Variants in GPR39 observed in about 807,000 individuals in gnomAD.
The protein encoded by GPR39 is zinc sensing receptor.
A neutral mutation model predicts 18.4 loss-of-function variants in GPR39; 23 were observed. The ratio of observed to expected loss-of-function variants is 1.25; its 90% CI spans 0.90 to 1.77. GPR39 has a LOEUF of 1.77. Among genes scored for constraint, GPR39 ranks in the 40% most tolerant of loss-of-function variants. The pLI is 0.00. For synonymous variants in GPR39, 280 were observed against 257.9 expected, an observed-to-expected ratio of 1.09 and a Z score of -0.82; for missense variants, 647 against 602.4, an observed-to-expected ratio of 1.07 and a Z score of -0.78.
intron 1 of GPR39, among the ~76,000 whole-genome samples, chr2:132,618,974 CCT>C: frequency 6.6e-6 from 1 of 152,302 alleles, no homozygotes; most frequent in South Asian, 2.1e-4. Flanking sequence ...CCACAGACTT[CCT>C]GGGAGTCGGC....
chr2:132,602,033 A>G (rs554858417), intron 1 of GPR39, among the ~76,000 whole-genome samples: 13 of 51,852 alleles, frequency 2.5e-4, no homozygotes, highest in Admixed American at 9.8e-4. Flanking sequence ...ACAGAAATAG[A>G]AAAAAAAAAA....
chr2:132,426,427 T>C (rs1680119032), intron 1 of GPR39, among the ~76,000 whole-genome samples: 1 of 152,228 alleles, frequency 6.6e-6, no homozygotes, highest in Non-Finnish European at 1.5e-5. Flanking sequence ...TATTTCGTCA[T>C]AGCCTGGCAA....
intron 1 of GPR39, among the ~76,000 whole-genome samples, chr2:132,522,846 A>C (rs1679449463): frequency 6.6e-6 from 1 of 152,242 alleles, no homozygotes; most frequent in East Asian, 1.9e-4. Context: ...CAACCTTCTG[A>C]GAATAGATAT....
At chr2:132,602,175 A>G (rs1436197414) in intron 1 of GPR39, among the ~76,000 whole-genome samples, 2 of 152,088 alleles carry the variant, frequency 1.3e-5, no homozygotes, top group African/African-American at 4.8e-5. Flanking sequence ...AACACAGCAT[A>G]ATGGTATAAA....
rs60267293 is a variant in GPR39 at position 132,546,839 on chromosome 2, C to CAAAAAAAAAAAAAAAAAAA, written c.857-98254_857-98236dup. 1.3e-3 allele frequency among the ~76,000 whole-genome samples: 43 copies of CAAAAAAAAAAAAAAAAAAA among 33,970 alleles called. 3 individuals are homozygous for CAAAAAAAAAAAAAAAAAAA. Among genetic ancestry groups the CAAAAAAAAAAAAAAAAAAA allele is most frequent in the East Asian group, 1.9e-3 (2 of 1,036 alleles). The allele number at this position is 33,970 out of a possible 152,430, so 22.3% of individuals were successfully genotyped here. On this transcript the variant is annotated intron_variant, in intron 1 of 1. Transcript: ENST00000329321. ...TCTCCAGGATGCAGTAGCTCCACAG[C>CAAAAAAAAAAAAAAAAAAA]AAAAAAAAAAAAAAAAAAAAAAAAA...
At chr2:132,598,431 CTT>C (rs34104835) in intron 1 of GPR39, among the ~76,000 whole-genome samples, 55 of 90,450 alleles carry the variant, frequency 6.1e-4, no homozygotes, top group African/African-American at 2.0e-3. Context: ...CTAAGGTGAA[CTT>C]TTTTTTTTTT....
intron 1 of GPR39, among the ~76,000 whole-genome samples, chr2:132,619,828 CAG>C (rs1473473477): frequency 2.2e-4 from 27 of 123,666 alleles, no homozygotes; most frequent in South Asian, 1.4e-3. Context: ...GACACAGACA[CAG>C]ACACACACAC....
chr2:132,438,476 C>G (rs955062068), intron 1 of GPR39, among the ~76,000 whole-genome samples: 2 of 151,668 alleles, frequency 1.3e-5, no homozygotes. Flanking sequence ...AGGTCACTGG[C>G]AGACAACCAC....
At chr2:132,528,293 C>CT (rs1298580453) in intron 1 of GPR39, among the ~76,000 whole-genome samples, 2 of 152,064 alleles carry the variant, frequency 1.3e-5, no homozygotes, top group South Asian at 2.1e-4. Context: ...GTCTATATGT[C>CT]TTTTTTGGTA....
intron 1 of GPR39, among the ~76,000 whole-genome samples, chr2:132,617,233 T>G (rs1331338892): frequency 6.6e-6 from 1 of 152,164 alleles, no homozygotes; most frequent in African/African-American, 2.4e-5. Context: ...GCACTTTTTT[T>G]TTTTTGGCTT....
intron 1 of GPR39, among the ~76,000 whole-genome samples, chr2:132,489,803 T>G (rs1451816352): frequency 6.6e-6 from 1 of 151,996 alleles, no homozygotes. Context: ...CAAAAATTAC[T>G]TTTCTGTATT....
intron 1 of GPR39, among the ~76,000 whole-genome samples, chr2:132,571,488 CT>C (rs1190398493): frequency 1.3e-5 from 2 of 152,148 alleles, no homozygotes; most frequent in Non-Finnish European, 2.9e-5. Context: ...GAATGAAGAT[CT>C]TTACATGAGA....
At chr2:132,630,728 A>T (rs1381198821) in intron 1 of GPR39, among the ~76,000 whole-genome samples, 1 of 152,050 alleles carries the variant, frequency 6.6e-6, no homozygotes, top group African/African-American at 2.4e-5. Flanking sequence ...TGAGAAAGGG[A>T]CAGATTTGGG....
At chr2:132,520,529 G>C (rs1342629596) in intron 1 of GPR39, among the ~76,000 whole-genome samples, 1 of 152,122 alleles carries the variant, frequency 6.6e-6, no homozygotes, top group Admixed American at 6.5e-5. Context: ...GATCAGCCTG[G>C]GCACTCATTC....
At chr2:132,527,147 G>A (rs1679528913) in intron 1 of GPR39, among the ~76,000 whole-genome samples, 1 of 152,068 alleles carries the variant, frequency 6.6e-6, no homozygotes, top group South Asian at 2.1e-4. Flanking sequence ...GTGTCCATGT[G>A]TTCTCATTGT....
intron 1 of GPR39, among the ~76,000 whole-genome samples, chr2:132,491,037 C>T (rs1162749719): frequency 6.6e-6 from 1 of 152,154 alleles, no homozygotes; most frequent in Non-Finnish European, 1.5e-5. Flanking sequence ...ATTTGCGAAC[C>T]TTGAACCAAG....
intron 1 of GPR39, among the ~76,000 whole-genome samples, chr2:132,487,010 T>G (rs373392041): frequency 1.3e-5 from 2 of 152,278 alleles, no homozygotes; most frequent in African/African-American, 4.8e-5. Flanking sequence ...TTTGATCAAT[T>G]AGAGGTCATT....
intron 1 of GPR39, among the ~76,000 whole-genome samples, chr2:132,498,075 AT>A (rs1309753123): frequency 6.6e-6 from 1 of 152,104 alleles, no homozygotes; most frequent in African/African-American, 2.4e-5. Flanking sequence ...ACTGATGTAT[AT>A]TTTTTTAATT....
intron 1 of GPR39, among the ~76,000 whole-genome samples, chr2:132,615,749 G>T (rs992871208): frequency 1.3e-5 from 2 of 152,072 alleles, no homozygotes; most frequent in Non-Finnish European, 2.9e-5. Flanking sequence ...CTTTTTAGAG[G>T]TTCACTTGCA....
Sources: allele counts gnomAD v4.1 joint callset (sites outside exome capture counted in the v4.1 genomes callset), GRCh38; gene constraint gnomAD v4.1.1; transcripts MANE v1.5; gene names NCBI Gene and HGNC (gene_info 2026-07-23, HGNC 2026-07-21).